Variants in CDKAL1 observed in about 807,000 individuals in gnomAD.
The protein encoded by CDKAL1 is CDKAL1 threonylcarbamoyladenosine tRNA methylthiotransferase.
Under a neutral mutation model 68.2 loss-of-function variants are expected in CDKAL1, and 32 were observed. The ratio of observed to expected loss-of-function variants is 0.47; its 90% CI spans 0.35 to 0.63. The LOEUF (loss-of-function observed/expected upper bound fraction) is 0.63, where lower values mean the gene tolerates loss of function less well. CDKAL1 is among the 30% of genes least tolerant of loss of function. CDKAL1 has a pLI of 0.00. For synonymous variants in CDKAL1, 234 were observed against 244.3 expected (o/e 0.96, Z 0.39); for missense variants, 606 against 696.7 (o/e 0.87, Z 1.47).
chr6:21,190,990 ACATACAGTTT>A (rs149302114), intron 13 of CDKAL1, among the ~76,000 whole-genome samples: 1 of 152,282 alleles, frequency 6.6e-6, no homozygotes, highest in Non-Finnish European at 1.5e-5. Context: ...GAGCAACTTT[ACATACAGTTT>A]ATGTTTAAAG....
chr6:20,957,898 G>A (rs924610160), intron 10 of CDKAL1, among the ~76,000 whole-genome samples: 2 of 149,186 alleles, frequency 1.3e-5, no homozygotes, highest in Non-Finnish European at 3.0e-5. Flanking sequence ...TTGAGCCCAA[G>A]AGGCAGAGGT....
At chr6:20,985,046 A>T (rs1766378051) in intron 10 of CDKAL1, among the ~76,000 whole-genome samples, 1 of 152,094 alleles carries the variant, frequency 6.6e-6, no homozygotes, top group Non-Finnish European at 1.5e-5. Flanking sequence ...GTTCCTCTGT[A>T]ATCATTCCAA....
chr6:21,144,531 A>C (rs1290511276), intron 13 of CDKAL1, among the ~76,000 whole-genome samples: 1 of 151,862 alleles, frequency 6.6e-6, no homozygotes, highest in Non-Finnish European at 1.5e-5. Flanking sequence ...CACGTATGTA[A>C]TCCTAGCACT....
chr6:20,876,631 G>T lies in CDKAL1; in HGVS notation c.742+30453G>T, dbSNP rs187718370. Among the ~76,000 whole-genome samples the T allele has an allele frequency of 2.1e-4, 32 of 152,246 alleles. 1 individual carries two copies. In the East Asian group the frequency reaches 6.0e-3, roughly 28 times the overall value. ...GACAGGGATTTCTTGGAAAGAATAT[G>T]AATTTTGAAGTCAGGCAGACCTAGA... On this transcript the variant is annotated intron_variant, in intron 9 of 15. Transcript: ENST00000274695.
chr6:20,931,044 C>T (rs1009331696), intron 9 of CDKAL1, among the ~76,000 whole-genome samples: 2 of 152,044 alleles, frequency 1.3e-5, no homozygotes, highest in Admixed American at 6.6e-5. Flanking sequence ...CGCCCGGCTG[C>T]GTATCTTAAT....
intron 4 of CDKAL1, among the ~76,000 whole-genome samples, chr6:20,577,748 C>T (rs9465813): frequency 0.019 from 2,865 of 152,298 alleles, 100 homozygotes; most frequent in African/African-American, 0.064. Flanking sequence ...ACATAAAATC[C>T]TGTAGAACAG....
chr6:21,075,987 C>A (rs1237144487), intron 12 of CDKAL1, among the ~76,000 whole-genome samples: 1 of 152,010 alleles, frequency 6.6e-6, no homozygotes, highest in Non-Finnish European at 1.5e-5. Context: ...CATCTACCTA[C>A]TTGCTTGTCT....
intron 5 of CDKAL1, among the ~76,000 whole-genome samples, chr6:20,675,619 G>T (rs1316293724): frequency 2.0e-5 from 3 of 152,076 alleles, no homozygotes; most frequent in Admixed American, 6.6e-5. Context: ...AAGTGTTTCC[G>T]GTGTTGCTGG....
Position 20,576,490 on chromosome 6 carries a change from A to G in CDKAL1, c.286+27785A>G, listed in dbSNP as rs906062752. Among the ~76,000 whole-genome samples the G allele has an allele frequency of 2.0e-5, 3 of 152,236 alleles. No homozygotes were observed. The East Asian group carries it at 5.8e-4, about 29-fold the overall frequency. ...TTGAAATCAGGTATGAAGTATAATA[A>G]AAATCAACAGTTTTATGAGATTTTG... On this transcript the variant is annotated intron_variant, in intron 4 of 15. Transcript: ENST00000274695.
At chr6:20,561,216 C>T (rs766267896) in intron 4 of CDKAL1, among the ~76,000 whole-genome samples, 4 of 151,768 alleles carry the variant, frequency 2.6e-5, no homozygotes, top group East Asian at 1.9e-4. Flanking sequence ...CCGAGAGGGG[C>T]GGATCACCTG....
At chr6:20,826,178 G>A (rs1222383943) in intron 8 of CDKAL1, among the ~76,000 whole-genome samples, 1 of 152,116 alleles carries the variant, frequency 6.6e-6, no homozygotes, top group African/African-American at 2.4e-5. Flanking sequence ...ACTCTCATGG[G>A]CTCAACCTAG....
chr6:20,756,418 T>C (rs1253420069), intron 6 of CDKAL1, among the ~76,000 whole-genome samples: 1 of 152,228 alleles, frequency 6.6e-6, no homozygotes, highest in African/African-American at 2.4e-5. Flanking sequence ...AAATCAAACA[T>C]ATTCATTTTA....
At chr6:20,721,725 G>GTTTTTTTTT (rs145893325) in intron 5 of CDKAL1, among the ~76,000 whole-genome samples, 7 of 67,380 alleles carry the variant, frequency 1.0e-4, no homozygotes, top group African/African-American at 2.4e-4. Flanking sequence ...ACCAACTTCT[G>GTTTTTTTTT]TTTTTTTTTT....
At chr6:20,652,126 CTTTTTGAAGGGT>C in intron 5 of CDKAL1, among the ~76,000 whole-genome samples, 1 of 151,870 alleles carries the variant, frequency 6.6e-6, no homozygotes, top group South Asian at 2.1e-4. Flanking sequence ...AGGAGGATGG[CTTTTTGAAGGGT>C]TTTTTGTGTG....
intron 9 of CDKAL1, among the ~76,000 whole-genome samples, chr6:20,851,259 T>C (rs1758996004): frequency 6.6e-6 from 1 of 152,218 alleles, no homozygotes. Context: ...TTTGCTGGGT[T>C]TGACACGGTT....
At chr6:20,639,348 T>C (rs1768056833) in intron 4 of CDKAL1, among the ~76,000 whole-genome samples, 1 of 152,144 alleles carries the variant, frequency 6.6e-6, no homozygotes, top group Non-Finnish European at 1.5e-5. Flanking sequence ...AGACTCACTC[T>C]ACAGACACCA....
rs533083030 is a variant in CDKAL1, at chr6:20,694,007, G to A, written c.371+44630G>A. On this transcript the variant is annotated intron_variant, in intron 5 of 15. Coordinates refer to ENST00000274695, the MANE Select transcript of CDKAL1 (RefSeq NM_017774.3). ...CCCACTTCAGCCTCCCGAGGAGCTG[G>A]GACCACTGGCACACACTAACACACC... Among the ~76,000 whole-genome samples the A allele has an allele frequency of 1.2e-4, 18 of 150,788 alleles. No individual in the cohort carries two copies. In the South Asian group the frequency reaches 3.6e-3, roughly 30 times the overall value.
At chr6:21,143,491 CTTAG>C (rs1449037180) in intron 13 of CDKAL1, among the ~76,000 whole-genome samples, 15 of 152,112 alleles carry the variant, frequency 9.9e-5, no homozygotes. Flanking sequence ...TAGACAAAAG[CTTAG>C]TTTTTGTTTT....
intron 8 of CDKAL1, among the ~76,000 whole-genome samples, chr6:20,831,655 C>T (rs1399652473): frequency 6.6e-6 from 1 of 152,144 alleles, no homozygotes; most frequent in Non-Finnish European, 1.5e-5. Context: ...AGTCCAACCA[C>T]TGAGCTGCTC....
Sources: allele counts gnomAD v4.1 joint callset (sites outside exome capture counted in the v4.1 genomes callset), GRCh38; gene constraint gnomAD v4.1.1; transcripts MANE v1.5; gene names NCBI Gene and HGNC (gene_info 2026-07-23, HGNC 2026-07-21).